SPOCK1: variants seen among roughly 807,000 people sequenced by gnomAD.
The protein encoded by SPOCK1 is testican-1.
A neutral mutation model predicts 55.3 loss-of-function variants in SPOCK1; 23 were observed. The observed-to-expected ratio is 0.42, with a 90% CI of 0.30 to 0.59. The LOEUF (loss-of-function observed/expected upper bound fraction) is 0.59. Among genes scored for constraint, SPOCK1 ranks in the 20% least tolerant of loss-of-function variants. The probability of loss-of-function intolerance (pLI) is 0.22; values close to 1 mark genes in which losing one functional copy is unlikely to be tolerated. For synonymous variants in SPOCK1, 226 were observed against 221.0 expected (o/e 1.02, Z -0.20); for missense variants, 499 against 552.5 (o/e 0.90, Z 0.97).
rs1426633393 is a variant in SPOCK1 at position 136,979,320 on chromosome 5, G to A, written c.1129+12C>T. On this transcript the variant is annotated intron_variant, in intron 10 of 10. Transcript: ENST00000394945. ...AGGTCATTGTGGGGCTCATGCAGGA[G>A]GCCTTACTCACCACAGCTCACAGCA... The A allele has an allele frequency of 1.2e-6, 2 of 1,613,910 alleles. No homozygotes were observed. The highest frequency in any genetic ancestry group is 8.5e-7 in the Non-Finnish European group (1 of 1,179,878).
At chr5:137,341,993 T>C (rs1750440896) in intron 2 of SPOCK1, among the ~76,000 whole-genome samples, 1 of 152,238 alleles carries the variant, frequency 6.6e-6, no homozygotes, top group African/African-American at 2.4e-5. Context: ...CTGTGCTCGG[T>C]GACTTGCCAG....
chr5:137,020,342 T>A (rs1273376384), intron 6 of SPOCK1, among the ~76,000 whole-genome samples: 1 of 151,864 alleles, frequency 6.6e-6, no homozygotes, highest in African/African-American at 2.4e-5. Context: ...ACTTTTAATA[T>A]CAGAATTCTT....
intron 5 of SPOCK1, among the ~76,000 whole-genome samples, chr5:137,100,533 A>G (rs961429262): frequency 1.3e-5 from 2 of 152,218 alleles, no homozygotes; most frequent in African/African-American, 4.8e-5. Context: ...ACTGGAGAAG[A>G]GAAAGCAAAG....
intron 2 of SPOCK1, among the ~76,000 whole-genome samples, chr5:137,277,660 T>G (rs1757092520): frequency 6.6e-6 from 1 of 152,178 alleles, no homozygotes; most frequent in Non-Finnish European, 1.5e-5. Flanking sequence ...GCCTCAGCTT[T>G]CCTATCTGTG....
chr5:137,417,829 G>A (rs1266851103), intron 2 of SPOCK1, among the ~76,000 whole-genome samples: 2 of 151,810 alleles, frequency 1.3e-5, no homozygotes, highest in Admixed American at 6.6e-5. Context: ...TATACTTTAA[G>A]GTTTAGGGTA....
At chr5:137,345,564 G>A (rs1446855336) in intron 2 of SPOCK1, among the ~76,000 whole-genome samples, 2 of 152,320 alleles carry the variant, frequency 1.3e-5, no homozygotes, top group Admixed American at 1.3e-4. Context: ...CTGGAGCAGG[G>A]CTGACCATCT....
chr5:137,333,861 G>A (rs1758236548), intron 2 of SPOCK1, among the ~76,000 whole-genome samples: 1 of 152,196 alleles, frequency 6.6e-6, no homozygotes, highest in Admixed American at 6.5e-5. Flanking sequence ...GTGTCTGTTT[G>A]TTGGGAGATG....
intron 5 of SPOCK1, among the ~76,000 whole-genome samples, chr5:137,108,236 G>T (rs1438814178): frequency 6.6e-6 from 1 of 152,196 alleles, no homozygotes; most frequent in Admixed American, 6.5e-5. Context: ...CACTCCAGTA[G>T]TAAATCCAAC....
intron 5 of SPOCK1, among the ~76,000 whole-genome samples, chr5:137,083,279 A>G (rs552501332): frequency 3.9e-5 from 6 of 152,236 alleles, no homozygotes; most frequent in African/African-American, 1.4e-4. Context: ...TACATCAGCT[A>G]CTCAAATCCT....
At chr5:137,198,829 T>C (rs1468278369) in intron 3 of SPOCK1, among the ~76,000 whole-genome samples, 1 of 152,216 alleles carries the variant, frequency 6.6e-6, no homozygotes, top group Non-Finnish European at 1.5e-5. Context: ...TGTCTTCTAT[T>C]ACGTGTTCTA....
At chr5:137,189,309 C>T (rs1266444316) in intron 3 of SPOCK1, among the ~76,000 whole-genome samples, 2 of 152,204 alleles carry the variant, frequency 1.3e-5, no homozygotes, top group Non-Finnish European at 2.9e-5. Flanking sequence ...CAATGCCTGG[C>T]TTCCAAGCTT....
At chr5:136,979,113 G>A (rs1391616611) in intron 10 of SPOCK1, among the ~76,000 whole-genome samples, 1 of 152,144 alleles carries the variant, frequency 6.6e-6, no homozygotes, top group Non-Finnish European at 1.5e-5. Context: ...CCCTTTGTCT[G>A]CAGCAGTTCT....
chr5:137,229,198 T>A (rs1186690567), intron 3 of SPOCK1, among the ~76,000 whole-genome samples: 2 of 152,158 alleles, frequency 1.3e-5, no homozygotes, highest in African/African-American at 4.8e-5. Context: ...GCCTTTCCAT[T>A]TATAGTTAAG....
At chr5:137,061,741 G>A (rs1049710306) in intron 6 of SPOCK1, among the ~76,000 whole-genome samples, 1 of 149,474 alleles carries the variant, frequency 6.7e-6, no homozygotes, top group Non-Finnish European at 1.5e-5. Flanking sequence ...TCTAGAGATA[G>A]AGTGGAGGGG....
At chr5:137,263,204 T>C (rs1361440999) in intron 3 of SPOCK1, among the ~76,000 whole-genome samples, 2 of 152,084 alleles carry the variant, frequency 1.3e-5, no homozygotes, top group Non-Finnish European at 2.9e-5. Context: ...ACAGGCAAAT[T>C]TGGAAAATGA....
chr5:137,020,205 C>G (rs1751539671), intron 6 of SPOCK1, among the ~76,000 whole-genome samples: 1 of 150,598 alleles, frequency 6.6e-6, no homozygotes, highest in African/African-American at 2.4e-5. Context: ...AAAAAAAAAC[C>G]CCATCTGATT....
At chr5:137,014,092 G>C (rs1751402908) in intron 6 of SPOCK1, among the ~76,000 whole-genome samples, 1 of 152,134 alleles carries the variant, frequency 6.6e-6, no homozygotes, top group South Asian at 2.1e-4. Flanking sequence ...ATGGCTTGGT[G>C]CTGTCTTCAT....
At chr5:137,026,632 C>A (rs892983231) in intron 6 of SPOCK1, among the ~76,000 whole-genome samples, 11 of 152,202 alleles carry the variant, frequency 7.2e-5, no homozygotes, top group African/African-American at 2.6e-4. Flanking sequence ...CACACACACA[C>A]CCTCTATTGG....
chr5:137,114,323 A>T (rs1279573612), intron 4 of SPOCK1, among the ~76,000 whole-genome samples: 1 of 152,172 alleles, frequency 6.6e-6, no homozygotes, highest in Non-Finnish European at 1.5e-5. Flanking sequence ...TAGATTTCAG[A>T]TGGCATGCAC....
Sources: allele counts gnomAD v4.1 joint callset (sites outside exome capture counted in the v4.1 genomes callset), GRCh38; gene constraint gnomAD v4.1.1; transcripts MANE v1.5; gene names NCBI Gene and HGNC (gene_info 2026-07-23, HGNC 2026-07-21).